IL1RL1: variants seen among roughly 807,000 people sequenced by gnomAD.
The protein encoded by IL1RL1 is interleukin-1 receptor-like 1.
Under a neutral mutation model 50.9 loss-of-function variants are expected in IL1RL1, and 32 were observed. That is an observed-to-expected ratio of 0.63 (90% CI 0.47 to 0.84). The LOEUF is 0.84. Ranked by LOEUF, IL1RL1 falls within the 40% of genes least tolerant of loss-of-function variation. The pLI, the probability that IL1RL1 is intolerant of heterozygous loss-of-function variation, is 0.00. For missense variants in IL1RL1, 773 were observed against 662.9 expected, an observed-to-expected ratio of 1.17 and a Z score of -1.82; for synonymous variants, 275 against 236.0, an observed-to-expected ratio of 1.17 and a Z score of -1.51.
At position 102,319,101 on chromosome 2, in the gene IL1RL1, C is replaced by T. The variant is rs142704784; in HGVS notation, c.-150+7478C>T. ...ATATCTTCCTGGTGGTTAGAAATAT[C>T]TGCTTATTAAAAGGTTTCAAAGGTC... is the stretch of plus-strand genomic sequence containing the variant. On this transcript the variant is annotated intron_variant, in intron 1 of 10. Transcript: ENST00000233954. Among the ~76,000 whole-genome samples, 230 of 152,158 alleles carry T rather than the reference C, an allele frequency of 1.5e-3. 6 individuals are homozygous for T. The East Asian group carries it at 0.043, about 28-fold the overall frequency.
At chr2:102,316,169 C>T (rs1676669259) in intron 1 of IL1RL1, among the ~76,000 whole-genome samples, 1 of 152,152 alleles carries the variant, frequency 6.6e-6, no homozygotes, top group Non-Finnish European at 1.5e-5. Flanking sequence ...TTTGGCATGT[C>T]TCTGCAGTTA....
chr2:102,343,191 G>C lies in IL1RL1; in HGVS notation c.824+14G>C, dbSNP rs374285935. On this transcript the variant is annotated intron_variant, in intron 7 of 10. Coordinates refer to ENST00000233954, the MANE Select transcript of IL1RL1 (RefSeq NM_016232.5). ...GCAAAATCAAAGGTATTTTTATATT[G>C]AAGAGAACCATCCTCTTCCCCTTGC... The C allele has an allele frequency of 1.9e-6, 3 of 1,613,966 alleles. No individual in the cohort carries two copies. The African/African-American group carries it at 4.0e-5, about 22-fold the overall frequency.
In IL1RL1 at chr2:102,351,551, T is replaced by C; in HGVS notation, c.1301T>C (p.Val434Ala). The C allele has an allele frequency of 2.5e-6, 4 of 1,613,956 alleles. No individual in the cohort carries two copies. The highest frequency in any genetic ancestry group is 3.4e-6 in the Non-Finnish European group (4 of 1,179,868). The change falls in exon 11 of 11, where the codon GTG becomes GCG. Residue 434 changes from valine (V) to alanine (A), a missense_variant. Physicochemically the swap from Val to Ala is moderately conservative, Grantham distance 64. Coordinates refer to ENST00000233954, the MANE Select transcript of IL1RL1 (RefSeq NM_016232.5). The part of the protein sequence containing the change: ...MLPGEDVVTA[V>A]ETNIRKSRRH... The stretch of plus-strand genomic sequence containing the variant: ...GTATGACTAGATGTAGTCACTGCAG[T>C]GGAAACCAACATACGAAAGAGCAGG...
intron 1 of IL1RL1, among the ~76,000 whole-genome samples, chr2:102,315,074 C>T (rs72823632): frequency 0.17 from 26,425 of 152,034 alleles, 2,625 homozygotes; most frequent in African/African-American, 0.26. Flanking sequence ...ATTAGGATTC[C>T]GCACATCCTA....
At chr2:102,350,557 A>C (rs1442391891) in intron 10 of IL1RL1, among the ~76,000 whole-genome samples, 1 of 152,270 alleles carries the variant, frequency 6.6e-6, no homozygotes, top group African/African-American at 2.4e-5. Context: ...GGTACTGTCT[A>C]TAGTCTCATG....
intron 1 of IL1RL1, among the ~76,000 whole-genome samples, chr2:102,336,229 T>C (rs530064799): frequency 3.2e-4 from 49 of 152,186 alleles, no homozygotes; most frequent in Non-Finnish European, 5.7e-4. Context: ...TGAGTTCAAA[T>C]TCTGACTTCA....
intron 8 of IL1RL1, chr2:102,344,873 C>T (rs1677723476): frequency 1.0e-6 from 1 of 970,652 alleles, no homozygotes; most frequent in African/African-American, 1.8e-5. Flanking sequence ...TATTGCTTCC[C>T]TACAGTTTTT....
At chr2:102,338,370 A>G (rs1237991627) in intron 2 of IL1RL1, 45 bp downstream of exon 2, 1 of 1,152,398 alleles carries the variant, frequency 8.7e-7, no homozygotes, top group Non-Finnish European at 1.2e-6. Flanking sequence ...TATAAATTAA[A>G]TAATTTCAAG....
chr2:102,329,231 A>T (rs1677103510), intron 1 of IL1RL1, among the ~76,000 whole-genome samples: 1 of 152,208 alleles, frequency 6.6e-6, no homozygotes, highest in African/African-American at 2.4e-5. Flanking sequence ...AAAAACAAGA[A>T]ATGGGGAAAG....
At chr2:102,336,608 C>A (rs1677336132) in intron 1 of IL1RL1, among the ~76,000 whole-genome samples, 1 of 152,008 alleles carries the variant, frequency 6.6e-6, no homozygotes, top group Non-Finnish European at 1.5e-5. Context: ...TTATGGTTTT[C>A]TTTGTCACTC....
chr2:102,323,267 ATATATAGT>A (rs1429019977), intron 1 of IL1RL1, among the ~76,000 whole-genome samples: 3 of 38,668 alleles, frequency 7.8e-5, no homozygotes, highest in African/African-American at 2.4e-4. Flanking sequence ...ATATATATAT[ATATATAGT>A]GTGTGTGTGT....
chr2:102,339,270 T>A (rs1399149070), intron 3 of IL1RL1: 22 of 477,562 alleles, frequency 4.6e-5, no homozygotes, highest in Non-Finnish European at 7.5e-6. Flanking sequence ...CAGGGATTGA[T>A]TTGTAGCTGA....
intron 1 of IL1RL1, among the ~76,000 whole-genome samples, chr2:102,315,961 G>A (rs1676661460): frequency 6.6e-6 from 1 of 152,106 alleles, no homozygotes; most frequent in African/African-American, 2.4e-5. Context: ...GATCCTTTAG[G>A]TTTTTCCATT....
chr2:102,322,834 T>G (rs944967346), intron 1 of IL1RL1, among the ~76,000 whole-genome samples: 10 of 152,192 alleles, frequency 6.6e-5, no homozygotes, highest in African/African-American at 2.4e-4. Context: ...ACTCTCTAGT[T>G]TCCAGCATGA....
intron 1 of IL1RL1, among the ~76,000 whole-genome samples, chr2:102,334,027 C>T (rs202197603): frequency 1.3e-5 from 2 of 152,048 alleles, no homozygotes; most frequent in East Asian, 3.8e-4. Context: ...TATTGTGAAC[C>T]GTGCTGCAGT....
chr2:102,322,503 A>G (rs1450918976), intron 1 of IL1RL1, among the ~76,000 whole-genome samples: 1 of 152,224 alleles, frequency 6.6e-6, no homozygotes, highest in Admixed American at 6.5e-5. Context: ...GAGCTTGATG[A>G]TAAAATATTG....
At position 102,340,167 on chromosome 2, in the gene IL1RL1, A is replaced by T. The variant is rs988786094; in HGVS notation, c.342A>T (p.Pro114=). ...AAAAACAATCAGATTGCAATGTTCCAGATTATTTGATGTATTCAACAGTAT... is the reference window on the plus strand; with the variant it reads ...AAAAACAATCAGATTGCAATGTTCCTGATTATTTGATGTATTCAACAGTAT... ...IYKKQSDCNV[P]DYLMYSTVSG... is the part of the protein sequence containing the mutation. The change falls in exon 4 of 11, where the codon CCA becomes CCT. Residue 114 remains proline, a synonymous_variant. Coordinates refer to ENST00000233954, the MANE Select transcript of IL1RL1 (RefSeq NM_016232.5). The T allele has an allele frequency of 1.3e-5, 20 of 1,599,184 alleles. No homozygotes were observed. Among genetic ancestry groups the T allele is most frequent in the Non-Finnish European group, 1.7e-5 (20 of 1,172,678 alleles).
chr2:102,344,466 G>T (rs992158068), intron 8 of IL1RL1: 2 of 540,424 alleles, frequency 3.7e-6, no homozygotes, highest in Non-Finnish European at 4.7e-6. Context: ...CAGGTACCAC[G>T]TATTCCAGGG....
chr2:102,325,333 A>G (rs982656616), intron 1 of IL1RL1, among the ~76,000 whole-genome samples: 3 of 152,222 alleles, frequency 2.0e-5, no homozygotes, highest in African/African-American at 7.2e-5. Flanking sequence ...AACGACATCC[A>G]CACCAAAACC....
Sources: gnomAD v4.1 joint callset for allele counts (sites outside exome capture counted in the v4.1 genomes callset) on GRCh38, gnomAD v4.1.1 for gene constraint, MANE v1.5 for transcripts, NCBI Gene and HGNC (gene_info 2026-07-23, HGNC 2026-07-21) for gene names.